Variants in SH2D4B observed in about 807,000 individuals in gnomAD.
SH2D4B encodes the protein SH2 domain containing 4B.
A neutral mutation model predicts 61.5 loss-of-function variants in SH2D4B; 45 were observed. The observed-to-expected ratio is 0.73, with a 90% CI of 0.58 to 0.94. SH2D4B has a LOEUF of 0.94. Among genes scored for constraint, SH2D4B ranks in the 40% least tolerant of loss-of-function variants. The probability of loss-of-function intolerance (pLI) is 0.00; values close to 1 mark genes in which losing one functional copy is unlikely to be tolerated. For missense variants in SH2D4B, 572 were observed against 574.2 expected, an observed-to-expected ratio of 1.00 and a Z score of 0.04; for synonymous variants, 224 against 220.4, an observed-to-expected ratio of 1.02 and a Z score of -0.14.
At position 80,618,931 on chromosome 10, in the gene SH2D4B, C is replaced by T. The variant is rs537880533; in HGVS notation, c.988+9380C>T. ...TTGGCTTTGAGGATTTGCTAACATA[C>T]GGATTTATGGCTCTGTTATTGCAGA... On this transcript the variant is annotated intron_variant, in intron 6 of 7. Transcript: ENST00000646907. Among the ~76,000 whole-genome samples, 6 of 152,264 alleles carry T rather than the reference C, an allele frequency of 3.9e-5. No homozygotes were observed. The East Asian group carries it at 5.8e-4, about 15-fold the overall frequency.
At position 80,603,594 on chromosome 10, in the gene SH2D4B, C is replaced by T. The variant is rs201243229; in HGVS notation, c.659C>T (p.Ala220Val). 245 of 1,560,786 alleles carry T rather than the reference C, an allele frequency of 1.6e-4. No homozygotes were observed. In the East Asian group the frequency reaches 4.5e-3, roughly 29 times the overall value. Residue 220 changes from alanine (A) to valine (V), a missense_variant, in exon 5 of 8, where the codon GCG becomes GTG. Transcript: ENST00000646907. The part of the protein sequence containing the change: ...EWEEQLRRSK[A>V]ADEERSRRAQ... ...CTCTTTCCAGTGCGCCGGTCCAAGG[C>T]GGCTGATGAGGAGAGGAGCCGCCGA...
At position 80,630,595 on chromosome 10, in the gene SH2D4B, C is replaced by T; in HGVS notation, c.989-3690C>T. The stretch of plus-strand genomic sequence containing the variant: ...AGAACAGAGGATTGATGTGCAGGCA[C>T]TGCCTTTCCCAATCAAGCTATAGGC... On this transcript the variant is annotated intron_variant, in intron 6 of 7. Transcript: ENST00000646907. 1.3e-5 allele frequency among the ~76,000 whole-genome samples: 2 copies of T among 152,236 alleles called. 1 individual carries two copies.
chr10:80,640,856 AGAG>A (rs1267555653), intron 7 of SH2D4B, among the ~76,000 whole-genome samples: 1 of 152,138 alleles, frequency 6.6e-6, no homozygotes, highest in Non-Finnish European at 1.5e-5. Context: ...GCGATCCTTT[AGAG>A]GAGAAGAGGC....
chr10:80,585,943 C>T (rs1031521740), intron 3 of SH2D4B, among the ~76,000 whole-genome samples: 4 of 152,058 alleles, frequency 2.6e-5, no homozygotes, highest in Non-Finnish European at 5.9e-5. Flanking sequence ...TCTGGGTGGG[C>T]GTGGGCTAGG....
rs778648610 is a variant in SH2D4B at position 80,603,802 on chromosome 10, C to A, written c.860+7C>A. 1 of 1,604,968 alleles carries A rather than the reference C, an allele frequency of 6.2e-7. No homozygotes were observed. Among genetic ancestry groups the A allele is most frequent in the Non-Finnish European group, 8.5e-7 (1 of 1,177,528 alleles). On this transcript the variant is annotated splice_region_variant and intron_variant, in intron 5 of 7. Coordinates refer to ENST00000646907, the MANE Select transcript of SH2D4B (RefSeq NM_001388272.1). Reference sequence around the variant, plus strand: ...CCCTTGCCCTGCCGGTCAGGTGGGTCCAGGCTCCGTGTTGGTGTGGTTGGG... The same window carrying A: ...CCCTTGCCCTGCCGGTCAGGTGGGTACAGGCTCCGTGTTGGTGTGGTTGGG...
chr10:80,598,445 TC>T (rs1842410818), intron 4 of SH2D4B, among the ~76,000 whole-genome samples: 1 of 152,178 alleles, frequency 6.6e-6, no homozygotes, highest in Non-Finnish European at 1.5e-5. Flanking sequence ...AAAGATGTGA[TC>T]ATTCAGGCCC....
intron 6 of SH2D4B, among the ~76,000 whole-genome samples, chr10:80,620,226 GT>G (rs1327713788): frequency 1.3e-5 from 2 of 152,290 alleles, no homozygotes; most frequent in East Asian, 1.9e-4. Flanking sequence ...ATGGGGGGCG[GT>G]TCCCCCCCTT....
intron 7 of SH2D4B, among the ~76,000 whole-genome samples, chr10:80,643,678 A>G (rs541259573): frequency 9.3e-5 from 14 of 150,900 alleles, no homozygotes; most frequent in Admixed American, 2.6e-4. Context: ...GAGTCCCTCA[A>G]CTCTTCCTCG....
intron 6 of SH2D4B, among the ~76,000 whole-genome samples, chr10:80,634,008 C>G (rs759215699): frequency 2.0e-5 from 3 of 152,234 alleles, no homozygotes; most frequent in Non-Finnish European, 4.4e-5. Flanking sequence ...ATCCAAATCA[C>G]CCTGGCTCAA....
chr10:80,567,485 T>G (rs1002895371), intron 1 of SH2D4B, among the ~76,000 whole-genome samples: 1 of 152,204 alleles, frequency 6.6e-6, no homozygotes, highest in East Asian at 1.9e-4. Context: ...GTCCACTGTC[T>G]CTGGGGTTCT....
intron 1 of SH2D4B, among the ~76,000 whole-genome samples, chr10:80,557,741 C>T (rs1171298796): frequency 3.3e-5 from 5 of 152,126 alleles, no homozygotes; most frequent in Non-Finnish European, 7.4e-5. Context: ...CTTGATCAGT[C>T]TGCTGAGAAA....
At chr10:80,600,573 A>C (rs1198689094) in intron 4 of SH2D4B, among the ~76,000 whole-genome samples, 1 of 150,182 alleles carries the variant, frequency 6.7e-6, no homozygotes, top group Non-Finnish European at 1.5e-5. Flanking sequence ...GAGCCCACTG[A>C]GCTGAGAAAG....
chr10:80,615,304 T>G (rs1305616105), intron 6 of SH2D4B, among the ~76,000 whole-genome samples: 3 of 152,226 alleles, frequency 2.0e-5, no homozygotes, highest in African/African-American at 7.2e-5. Flanking sequence ...CTTGAGAAAC[T>G]ATCCCACATT....
chr10:80,568,025 C>T (rs1483187429), intron 1 of SH2D4B, among the ~76,000 whole-genome samples: 3 of 152,130 alleles, frequency 2.0e-5, no homozygotes, highest in Non-Finnish European at 4.4e-5. Context: ...ATCTCTGTGC[C>T]TCTCTGTTTC....
intron 1 of SH2D4B, among the ~76,000 whole-genome samples, chr10:80,565,780 G>T (rs867804146): frequency 8.5e-5 from 13 of 152,228 alleles, no homozygotes; most frequent in African/African-American, 3.1e-4. Flanking sequence ...CTGGCAGGAA[G>T]AAGAAGGTCG....
At chr10:80,584,037 G>A (rs12777577) in intron 3 of SH2D4B, among the ~76,000 whole-genome samples, 36,098 of 152,144 alleles carry the variant, frequency 0.24, 5,166 homozygotes, top group African/African-American at 0.39. Context: ...AGAAGACAAG[G>A]AAGTCTTTAA....
intron 1 of SH2D4B, among the ~76,000 whole-genome samples, chr10:80,546,143 C>T (rs1214146977): frequency 6.6e-6 from 1 of 150,798 alleles, no homozygotes; most frequent in African/African-American, 2.4e-5. Context: ...CTCCCAGGTT[C>T]AAGTGATCCT....
intron 6 of SH2D4B, among the ~76,000 whole-genome samples, chr10:80,631,725 A>G (rs2132160091): frequency 6.6e-6 from 1 of 152,172 alleles, no homozygotes; most frequent in African/African-American, 2.4e-5. Context: ...ATACCTCATG[A>G]TCTCACTTAT....
At chr10:80,623,096 G>A (rs570063663) in intron 6 of SH2D4B, among the ~76,000 whole-genome samples, 57 of 152,198 alleles carry the variant, frequency 3.7e-4, no homozygotes, top group African/African-American at 1.3e-3. Context: ...TGTATTTTTA[G>A]TAGAGACGGC....
Sources: gnomAD v4.1 joint callset for allele counts (sites outside exome capture counted in the v4.1 genomes callset) on GRCh38, gnomAD v4.1.1 for gene constraint, MANE v1.5 for transcripts, NCBI Gene and HGNC (gene_info 2026-07-23, HGNC 2026-07-21) for gene names.